PARM1: variants seen among roughly 807,000 people sequenced by gnomAD.
PARM1 encodes prostate androgen-regulated mucin-like protein 1.
In PARM1, 14 loss-of-function variants were observed where a neutral mutation model predicts 24.6. The observed-to-expected ratio is 0.57, with a 90% CI of 0.38 to 0.89. The LOEUF is 0.89. Among genes scored for constraint, PARM1 ranks in the 40% least tolerant of loss-of-function variants. PARM1 has a pLI of 0.00. For synonymous variants in PARM1, 179 were observed against 156.6 expected (o/e 1.14, Z -1.07); for missense variants, 362 against 380.4 (o/e 0.95, Z 0.40).
At chr4:74,999,987 G>A (rs1469249266) in intron 1 of PARM1, among the ~76,000 whole-genome samples, 1 of 152,074 alleles carries the variant, frequency 6.6e-6, no homozygotes, top group Admixed American at 6.5e-5. Context: ...GCATCTGTGG[G>A]TGTGTGCAGC....
rs972491769 is a variant in PARM1, at chr4:74,949,179, C to T, written c.43+15809C>T. 3.3e-5 allele frequency among the ~76,000 whole-genome samples: 5 copies of T among 152,132 alleles called. No individual in the cohort carries two copies. The East Asian group carries it at 9.6e-4, about 29-fold the overall frequency. On this transcript the variant is annotated intron_variant, in intron 1 of 3. Transcript: ENST00000307428. ...AATAGGGATTGTCTTTTAAAAGATC[C>T]ACAGTTAGTTATCCAGTACTAGCCA...
chr4:75,024,527 T>C (rs566045316), intron 2 of PARM1, among the ~76,000 whole-genome samples: 6 of 152,308 alleles, frequency 3.9e-5, no homozygotes, highest in African/African-American at 1.4e-4. Context: ...TTAGAAGTTC[T>C]TCCTTCTTGC....
At chr4:74,970,112 C>T (rs986675687) in intron 1 of PARM1, 2 of 152,238 alleles carry the variant, frequency 1.3e-5, no homozygotes, top group Non-Finnish European at 2.9e-5. Flanking sequence ...GAGGTTGAAA[C>T]ACTGAGTTAA....
chr4:75,039,511 G>A (rs7683115), intron 3 of PARM1, among the ~76,000 whole-genome samples: 16,144 of 152,080 alleles, frequency 0.11, 1,019 homozygotes, highest in African/African-American at 0.17. Context: ...TTCAGCCTGC[G>A]TGACACAGCG....
Position 74,937,693 on chromosome 4 carries a change from A to C in PARM1, c.43+4323A>C, listed in dbSNP as rs140601143. Among the ~76,000 whole-genome samples, 10 of 152,338 alleles carry C rather than the reference A, an allele frequency of 6.6e-5. No individual in the cohort carries two copies. In the East Asian group the frequency reaches 1.9e-3, roughly 29 times the overall value. ...GTTGTTGCTATTATTTTTATTAATGAAGTGTACTATATGCTGCACTAATTA... is the reference window on the plus strand; with the variant it reads ...GTTGTTGCTATTATTTTTATTAATGCAGTGTACTATATGCTGCACTAATTA... On this transcript the variant is annotated intron_variant, in intron 1 of 3. Coordinates refer to ENST00000307428, the MANE Select transcript of PARM1 (RefSeq NM_015393.4).
At chr4:75,007,774 G>T (rs1293715917) in intron 1 of PARM1, among the ~76,000 whole-genome samples, 1 of 152,114 alleles carries the variant, frequency 6.6e-6, no homozygotes, top group Non-Finnish European at 1.5e-5. Context: ...CATGTGGGTG[G>T]GGCCCTTATG....
Position 74,934,913 on chromosome 4 carries a change from T to C in PARM1, c.43+1543T>C, listed in dbSNP as rs554141213. Among the ~76,000 whole-genome samples, 5 of 152,278 alleles carry C rather than the reference T, an allele frequency of 3.3e-5. 1 individual carries two copies. The highest frequency in any genetic ancestry group is 2.6e-4 in the Admixed American group (4 of 15,308). On this transcript the variant is annotated intron_variant, in intron 1 of 3. Transcript: ENST00000307428. ...TTAATCATTTCCTTTTTTAAACAGC[T>C]CTGGCAGTTGTCAAAACCGGGATTA...
chr4:74,942,936 C>G (rs1245846873), intron 1 of PARM1, among the ~76,000 whole-genome samples: 1 of 152,194 alleles, frequency 6.6e-6, no homozygotes, highest in African/African-American at 2.4e-5. Context: ...GCTGGGGCCT[C>G]GTTGGTTCTT....
chr4:74,943,785 G>A (rs777440421), intron 1 of PARM1, among the ~76,000 whole-genome samples: 40 of 152,310 alleles, frequency 2.6e-4, no homozygotes, highest in Non-Finnish European at 1.0e-4. Flanking sequence ...GATGAAAAGT[G>A]ATTTGAGTCT....
intron 1 of PARM1, among the ~76,000 whole-genome samples, chr4:74,980,615 TAAAA>T (rs1722232116): frequency 6.6e-6 from 1 of 152,178 alleles, no homozygotes; most frequent in Non-Finnish European, 1.5e-5. Flanking sequence ...AAAACTATTT[TAAAA>T]TTCATATGGA....
At chr4:74,950,847 T>C (rs1371454293) in intron 1 of PARM1, among the ~76,000 whole-genome samples, 1 of 152,060 alleles carries the variant, frequency 6.6e-6, no homozygotes, top group Admixed American at 6.6e-5. Flanking sequence ...GGGGGATTTT[T>C]TTTTTTTTTA....
At chr4:75,035,449 C>T (rs373016940) in intron 3 of PARM1, among the ~76,000 whole-genome samples, 2 of 152,210 alleles carry the variant, frequency 1.3e-5, no homozygotes, top group South Asian at 4.2e-4. Context: ...CCTGACTTGT[C>T]CCCCAAGCAG....
rs1008118323 is a variant in PARM1, at chr4:75,049,651, C to G, written c.*3404C>G. ...GGAAAACAGGATGGATACCTGAGCA[C>G]TAACAGCAGTAGACGTAGACCTCTG... is the stretch of plus-strand genomic sequence containing the variant. On this transcript the variant is annotated 3_prime_UTR_variant, in exon 4 of 4. Coordinates refer to ENST00000307428, the MANE Select transcript of PARM1 (RefSeq NM_015393.4). 6.6e-6 allele frequency: 1 copy of G among 152,640 alleles called. No homozygotes were observed. The highest frequency in any genetic ancestry group is 2.4e-5 in the African/African-American group (1 of 41,462). The allele number at this position is 152,640 out of a possible 1,614,324, so 9.5% of individuals were successfully genotyped here. A position where few individuals can be genotyped will look rare whatever the true frequency, so the allele number is the denominator to read the frequency against.
chr4:74,980,140 T>G (rs949665330), intron 1 of PARM1, among the ~76,000 whole-genome samples: 2 of 152,102 alleles, frequency 1.3e-5, no homozygotes, highest in African/African-American at 2.4e-5. Context: ...GAGAAAGAAA[T>G]AAAGTGTTTC....
chr4:75,002,660 G>A (rs992522215), intron 1 of PARM1, among the ~76,000 whole-genome samples: 11 of 152,110 alleles, frequency 7.2e-5, no homozygotes, highest in African/African-American at 2.7e-4. Context: ...AGTGATGCCT[G>A]AGTTCTCTCC....
chr4:74,978,107 C>T (rs1165780596), intron 1 of PARM1, among the ~76,000 whole-genome samples: 1 of 152,192 alleles, frequency 6.6e-6, no homozygotes, highest in Non-Finnish European at 1.5e-5. Flanking sequence ...ATCAAATTCA[C>T]ACATAACATT....
intron 2 of PARM1, among the ~76,000 whole-genome samples, chr4:75,014,746 G>T (rs1722949015): frequency 6.6e-6 from 1 of 152,294 alleles, no homozygotes; most frequent in South Asian, 2.1e-4. Flanking sequence ...ATCTGCAGAG[G>T]TGAAGGGAGG....
Position 74,933,326 on chromosome 4 carries a change from C to T in PARM1, c.-2C>T. On this transcript the variant is annotated 5_prime_UTR_variant, in exon 1 of 4. Transcript: ENST00000307428. ...GGGCTGGGCACCAAATACCAGGCTACCATGGTCTACAAGACTCTCTTCGCT... is the reference window on the plus strand; with the variant it reads ...GGGCTGGGCACCAAATACCAGGCTATCATGGTCTACAAGACTCTCTTCGCT... 1 of 1,610,936 alleles carries T rather than the reference C, an allele frequency of 6.2e-7. No homozygotes were observed. The highest frequency in any genetic ancestry group is 8.5e-7 in the Non-Finnish European group (1 of 1,178,678).
At chr4:74,990,773 C>T (rs2109779263) in intron 1 of PARM1, among the ~76,000 whole-genome samples, 1 of 152,164 alleles carries the variant, frequency 6.6e-6, no homozygotes, top group Admixed American at 6.6e-5. Context: ...TTGAGTTCAC[C>T]TTTAAAACAC....
Sources: gnomAD v4.1 joint callset for allele counts (sites outside exome capture counted in the v4.1 genomes callset) on GRCh38, gnomAD v4.1.1 for gene constraint, MANE v1.5 for transcripts, NCBI Gene and HGNC (gene_info 2026-07-23, HGNC 2026-07-21) for gene names.